Variants in CLSTN2 observed in about 807,000 individuals in gnomAD.
The protein encoded by CLSTN2 is calsyntenin 2.
A neutral mutation model predicts 101.2 loss-of-function variants in CLSTN2; 48 were observed. That is an observed-to-expected ratio of 0.47 (90% CI 0.38 to 0.60). CLSTN2 has a LOEUF of 0.60. CLSTN2 is among the 20% of genes least tolerant of loss of function. The pLI is 0.00. For missense variants in CLSTN2, 1,160 were observed against 1,238.2 expected (o/e 0.94, Z 0.95); for synonymous variants, 481 against 463.6 (o/e 1.04, Z -0.48).
At chr3:140,225,909 A>ATT (rs113777885) in intron 2 of CLSTN2, among the ~76,000 whole-genome samples, 8 of 150,656 alleles carry the variant, frequency 5.3e-5, no homozygotes, top group Admixed American at 1.3e-4. Flanking sequence ...CCATAAGTTG[A>ATT]TTTTTTTTAA....
intron 8 of CLSTN2, among the ~76,000 whole-genome samples, chr3:140,487,303 G>GA (rs1165376266): frequency 6.6e-6 from 1 of 152,158 alleles, no homozygotes; most frequent in Non-Finnish European, 1.5e-5. Flanking sequence ...TATTTATTTG[G>GA]AAAATACTTT....
intron 1 of CLSTN2, among the ~76,000 whole-genome samples, chr3:139,990,036 C>G (rs1454354760): frequency 6.6e-6 from 1 of 152,146 alleles, no homozygotes; most frequent in Non-Finnish European, 1.5e-5. Flanking sequence ...ACCGAAATAG[C>G]CCATCCTTTG....
At chr3:140,428,275 A>G (rs75824896) in intron 5 of CLSTN2, among the ~76,000 whole-genome samples, 2,446 of 150,118 alleles carry the variant, frequency 0.016, 64 homozygotes, top group African/African-American at 0.057. Context: ...TTTTTTTTCT[A>G]TGTTTCAAGC....
chr3:140,096,062 C>T (rs978734563), intron 1 of CLSTN2, among the ~76,000 whole-genome samples: 6 of 152,226 alleles, frequency 3.9e-5, no homozygotes, highest in African/African-American at 7.2e-5. Flanking sequence ...AAAACAAGAG[C>T]GCCTTTCTCA....
chr3:140,375,781 T>C (rs2087911232), intron 2 of CLSTN2, among the ~76,000 whole-genome samples: 1 of 152,256 alleles, frequency 6.6e-6, no homozygotes, highest in Non-Finnish European at 1.5e-5. Flanking sequence ...CTGTCTTTGA[T>C]TCATCATTTT....
intron 2 of CLSTN2, among the ~76,000 whole-genome samples, chr3:140,281,232 A>G (rs900495312): frequency 2.0e-5 from 3 of 152,212 alleles, no homozygotes; most frequent in African/African-American, 7.2e-5. Flanking sequence ...AGAATACAAT[A>G]TAAATGAATT....
At chr3:140,158,989 G>T (rs2010003257) in intron 1 of CLSTN2, among the ~76,000 whole-genome samples, 1 of 152,124 alleles carries the variant, frequency 6.6e-6, no homozygotes, top group Non-Finnish European at 1.5e-5. Flanking sequence ...ACAGAAGAAT[G>T]AAACTGGACC....
intron 1 of CLSTN2, among the ~76,000 whole-genome samples, chr3:140,086,364 T>C (rs1276834689): frequency 6.6e-6 from 1 of 152,150 alleles, no homozygotes; most frequent in Non-Finnish European, 1.5e-5. Flanking sequence ...CTCTAATATT[T>C]CCTATAATTG....
At chr3:140,307,288 G>A (rs904510449) in intron 2 of CLSTN2, among the ~76,000 whole-genome samples, 1 of 152,106 alleles carries the variant, frequency 6.6e-6, no homozygotes. Context: ...CCCAAACCAT[G>A]TGGGACATTT....
chr3:140,527,335 C>T (rs1935165014), intron 8 of CLSTN2, among the ~76,000 whole-genome samples: 1 of 152,064 alleles, frequency 6.6e-6, no homozygotes, highest in Non-Finnish European at 1.5e-5. Context: ...AAATGCCCAA[C>T]ATCATTAATC....
intron 8 of CLSTN2, among the ~76,000 whole-genome samples, chr3:140,469,342 C>T (rs889573311): frequency 6.6e-6 from 1 of 152,178 alleles, no homozygotes; most frequent in Non-Finnish European, 1.5e-5. Context: ...TGAAGGGAAC[C>T]ACAGTGAGTA....
chr3:140,200,409 C>G (rs543152552), intron 2 of CLSTN2, among the ~76,000 whole-genome samples: 5 of 152,188 alleles, frequency 3.3e-5, no homozygotes, highest in African/African-American at 1.2e-4. Flanking sequence ...CCAAAAAGAG[C>G]CTGTGTTTGA....
intron 1 of CLSTN2, among the ~76,000 whole-genome samples, chr3:140,004,177 C>T (rs1257999946): frequency 1.3e-5 from 2 of 152,202 alleles, no homozygotes; most frequent in Non-Finnish European, 2.9e-5. Context: ...AGCCAGGTAG[C>T]CTTCACTGCA....
intron 1 of CLSTN2, among the ~76,000 whole-genome samples, chr3:140,090,181 G>A (rs1469610175): frequency 2.0e-5 from 3 of 150,150 alleles, no homozygotes; most frequent in African/African-American, 7.4e-5. Flanking sequence ...CTTCCCGGCT[G>A]AAGGGGGGTT....
intron 8 of CLSTN2, among the ~76,000 whole-genome samples, chr3:140,491,079 A>G (rs1934345614): frequency 6.6e-6 from 1 of 152,224 alleles, no homozygotes; most frequent in African/African-American, 2.4e-5. Context: ...GTGGAGTAAA[A>G]CACAAATGGT....
At chr3:140,512,599 C>T (rs1005240070) in intron 8 of CLSTN2, among the ~76,000 whole-genome samples, 1 of 151,894 alleles carries the variant, frequency 6.6e-6, no homozygotes, top group Non-Finnish European at 1.5e-5. Flanking sequence ...GCTATTTGGG[C>T]TCTTTTTGCT....
rs532985640 is a variant in CLSTN2 at position 140,278,074 on chromosome 3, C to T, written c.232+102001C>T. ...GCTGCCCCCTGAAGTGTCACAGGCC[C>T]GCAGAATCAGTGTGCAAGCAGGATT... is the stretch of plus-strand genomic sequence containing the variant. On this transcript the variant is annotated intron_variant, in intron 2 of 16. Transcript: ENST00000458420. Among the ~76,000 whole-genome samples, 21 of 152,216 alleles carry T rather than the reference C, an allele frequency of 1.4e-4. No homozygotes were observed. The East Asian group carries it at 2.3e-3, about 17-fold the overall frequency.
chr3:140,147,947 C>G (rs1423563324), intron 1 of CLSTN2, among the ~76,000 whole-genome samples: 1 of 152,170 alleles, frequency 6.6e-6, no homozygotes, highest in African/African-American at 2.4e-5. Context: ...GTATGAGTAG[C>G]TACCTATTTG....
In CLSTN2 at chr3:140,175,982, A is replaced by T; in HGVS notation, c.141A>T (p.Ser47=). 6.2e-7 allele frequency: 1 copy of T among 1,613,562 alleles called. No homozygotes were observed. The highest frequency in any genetic ancestry group is 2.2e-5 in the East Asian group (1 of 44,850). The change falls in exon 2 of 17, where the codon TCA becomes TCT. Residue 47 remains serine (S), a synonymous_variant. Coordinates refer to ENST00000458420, the MANE Select transcript of CLSTN2 (RefSeq NM_022131.3). ...VNKHKPWIET[S]YHGVITENND... is the part of the protein sequence containing the mutation. ...AGCACAAGCCATGGATCGAGACTTCATATCATGGAGTCATAACTGAGAACA... is the reference window on the plus strand; with the variant it reads ...AGCACAAGCCATGGATCGAGACTTCTTATCATGGAGTCATAACTGAGAACA...
Sources: allele counts gnomAD v4.1 joint callset (sites outside exome capture counted in the v4.1 genomes callset), GRCh38; gene constraint gnomAD v4.1.1; transcripts MANE v1.5; gene names NCBI Gene and HGNC (gene_info 2026-07-23, HGNC 2026-07-21).